The following SLC22A8 variants were observed in gnomAD, a reference collection of about 807,000 sequenced individuals.
The protein encoded by SLC22A8 is organic anion transporter 3.
SLC22A8 carries 40 observed loss-of-function variants against 48.4 expected under a neutral mutation model. The observed-to-expected ratio is 0.83, with a 90% confidence interval of 0.64 to 1.08. The LOEUF (loss-of-function observed/expected upper bound fraction) is 1.08, where lower values mean the gene tolerates loss of function less well. Ranked by LOEUF, SLC22A8 falls within the 50% of genes least tolerant of loss-of-function variation. The pLI, the probability that SLC22A8 is intolerant of heterozygous loss-of-function variation, is 0.00. For missense variants in SLC22A8, 606 were observed against 699.0 expected (o/e 0.87, Z 1.50); for synonymous variants, 268 against 286.3 (o/e 0.94, Z 0.65).
intron 2 of SLC22A8, among the ~76,000 whole-genome samples, chr11:63,013,883 G>C (rs1440728165): frequency 2.0e-5 from 3 of 152,162 alleles, no homozygotes; most frequent in Non-Finnish European, 4.4e-5. Flanking sequence ...TGACTGGCCT[G>C]TCAGTTCATT....
At chr11:63,004,660 T>A (rs538147418) in intron 2 of SLC22A8, among the ~76,000 whole-genome samples, 1 of 152,262 alleles carries the variant, frequency 6.6e-6, no homozygotes, top group African/African-American at 2.4e-5. Flanking sequence ...TGCTGAATGA[T>A]TTTCCATCTT....
chr11:63,011,519 G>T (rs2086618972), intron 2 of SLC22A8, among the ~76,000 whole-genome samples: 1 of 152,088 alleles, frequency 6.6e-6, no homozygotes, highest in Non-Finnish European at 1.5e-5. Flanking sequence ...TGTACATTTG[G>T]AAACTTACTT....
At position 62,994,776 on chromosome 11, in the gene SLC22A8, T is replaced by C; in HGVS notation, c.1002-20A>G. ...GCAAACCTGAGAGGCAGAGAAGGAT[T>C]GGTTAGCACCTGCAGCCAGGCAGAG... is the stretch of plus-strand genomic sequence containing the variant. On this transcript the variant is annotated intron_variant, in intron 7 of 10. Transcript: ENST00000336232. 1.2e-6 allele frequency: 2 copies of C among 1,604,682 alleles called. No individual in the cohort carries two copies. Among genetic ancestry groups the C allele is most frequent in the Non-Finnish European group, 1.7e-6 (2 of 1,171,506 alleles).
Position 62,993,075 on chromosome 11 carries a change from G to T in SLC22A8, c.*162C>A. ...GATGGCTGAACCTTTGAACTGGCCA[G>T]GGCTGGGCAGGAGGCTCTGGTGGTG... On this transcript the variant is annotated 3_prime_UTR_variant, in exon 11 of 11. Transcript: ENST00000336232. 1.6e-6 allele frequency: 1 copy of T among 614,526 alleles called. No individual in the cohort carries two copies. 38.1% of individuals were successfully genotyped at this position (614,526 alleles called of 1,614,324 possible).
At chr11:63,007,206 A>C (rs1236274361) in intron 2 of SLC22A8, among the ~76,000 whole-genome samples, 1 of 152,196 alleles carries the variant, frequency 6.6e-6, no homozygotes, top group Admixed American at 6.5e-5. Context: ...AAGAAAGGCA[A>C]CTTGTTGGTT....
chr11:63,000,970 C>T lies in SLC22A8; in HGVS notation c.334-147G>A, dbSNP rs371160076. ...CCAAGGACCGTTTCCTTTTTCAGCC[C>T]GGCTCGGAGCTCCTTGGGTTTGTCT... On this transcript the variant is annotated intron_variant, in intron 2 of 10. Coordinates refer to ENST00000336232, the MANE Select transcript of SLC22A8 (RefSeq NM_004254.4). The T allele has an allele frequency of 3.3e-5, 21 of 630,640 alleles. 1 individual carries two copies. The highest frequency in any genetic ancestry group is 3.4e-4 in the Middle Eastern group (1 of 2,960). The allele number at this position is 630,640 out of a possible 1,614,324, so 39.1% of individuals were successfully genotyped here.
chr11:62,998,762 T>C (rs73492018), intron 5 of SLC22A8, among the ~76,000 whole-genome samples, 159 bp downstream of exon 5: 1 of 152,106 alleles, frequency 6.6e-6, no homozygotes, highest in Admixed American at 6.5e-5. Context: ...TCCTGCAGCA[T>C]GCATTTGTTT....
chr11:62,997,928 G>A (rs371365338), intron 5 of SLC22A8, among the ~76,000 whole-genome samples: 1 of 152,188 alleles, frequency 6.6e-6, no homozygotes, highest in East Asian at 1.9e-4. Context: ...CTGAGCGCCT[G>A]TGGGATTTCC....
At position 62,994,740 on chromosome 11, in the gene SLC22A8, C is replaced by T. The variant is rs1198450952; in HGVS notation, c.1018G>A (p.Ala340Thr). Residue 340 changes from alanine (A) to threonine (T), a missense_variant, in exon 8 of 11, where the codon GCC (alanine) becomes ACC (threonine). Transcript: ENST00000336232. ...LSLAWFATGF[A>T]YYSLAMGVEE... ...ACACCCATAGCCAAACTATAGTAGGCAAAACCGGTAGCAAACCTGAGAGGC... is the reference window on the plus strand; with the variant it reads ...ACACCCATAGCCAAACTATAGTAGGTAAAACCGGTAGCAAACCTGAGAGGC... 6.2e-7 allele frequency: 1 copy of T among 1,614,186 alleles called. No homozygotes were observed. Among genetic ancestry groups the T allele is most frequent in the Non-Finnish European group, 8.5e-7 (1 of 1,180,006 alleles).
Position 63,014,803 on chromosome 11 carries a change from G to C in SLC22A8, c.156C>G (p.Pro52=), listed in dbSNP as rs1565303866. 6.2e-7 allele frequency: 1 copy of C among 1,613,100 alleles called. No individual in the cohort carries two copies. The highest frequency in any genetic ancestry group is 8.5e-7 in the Non-Finnish European group (1 of 1,179,182). Reference sequence around the variant, plus strand: ...CCCAAGGCCCTGTGGAGGCATTGTGGGGCGGGCGACAGTGGTGGACAGGGG... The same window carrying C: ...CCCAAGGCCCTGTGGAGGCATTGTGCGGCGGGCGACAGTGGTGGACAGGGG... The part of the protein sequence containing the change: ...AATPVHHCRP[P]HNASTGPWVL... The change falls in exon 2 of 11, where the codon CCC becomes CCG. Residue 52 remains proline (P), a synonymous_variant. Transcript: ENST00000336232.
chr11:62,993,376 C>T (rs773242664), intron 10 of SLC22A8, 40 bp from the exon 11 acceptor site: 1 of 1,612,706 alleles, frequency 6.2e-7, no homozygotes, highest in Non-Finnish European at 8.5e-7. Context: ...GGGCCCAGAC[C>T]TGCTTCCCCA....
intron 2 of SLC22A8, among the ~76,000 whole-genome samples, chr11:63,009,422 A>AG (rs1416282509): frequency 1.3e-5 from 2 of 152,028 alleles, no homozygotes; most frequent in Non-Finnish European, 2.9e-5. Flanking sequence ...CAAGGCAGGG[A>AG]GGCTCAAGGC....
intron 2 of SLC22A8, among the ~76,000 whole-genome samples, chr11:63,004,151 C>G (rs1466518397): frequency 6.6e-6 from 1 of 152,222 alleles, no homozygotes. Flanking sequence ...GAGACCAGAT[C>G]TGCTGGATCT....
At chr11:63,011,025 G>C in intron 2 of SLC22A8, among the ~76,000 whole-genome samples, 1 of 152,304 alleles carries the variant, frequency 6.6e-6, no homozygotes, top group Middle Eastern at 3.4e-3. Context: ...GTGATGACAG[G>C]GTGGGTGAGA....
intron 2 of SLC22A8, among the ~76,000 whole-genome samples, chr11:63,013,821 G>T (rs1221269427): frequency 6.6e-6 from 1 of 152,130 alleles, no homozygotes; most frequent in Non-Finnish European, 1.5e-5. Context: ...AGTTAGTGAC[G>T]CCCAATACAT....
At chr11:63,009,671 G>C (rs569053571) in intron 2 of SLC22A8, among the ~76,000 whole-genome samples, 1 of 152,306 alleles carries the variant, frequency 6.6e-6, no homozygotes, top group East Asian at 1.9e-4. Context: ...GCTGCACCAA[G>C]AGAAAGGAAT....
chr11:63,009,390 G>C (rs946305516), intron 2 of SLC22A8, among the ~76,000 whole-genome samples: 1 of 152,056 alleles, frequency 6.6e-6, no homozygotes, highest in Non-Finnish European at 1.5e-5. Flanking sequence ...GGTGGGGGAC[G>C]GGCTTCTTGC....
intron 1 of SLC22A8, 96 bp from the exon 2 acceptor site, chr11:63,015,079 G>A: frequency 1.3e-6 from 1 of 741,596 alleles, no homozygotes; most frequent in Non-Finnish European, 2.2e-6. Flanking sequence ...AGGTGGATAT[G>A]CGAGCACAGG....
Position 62,999,046 on chromosome 11 carries a change from T to C in SLC22A8, c.636A>G (p.Thr212=), listed in dbSNP as rs1183582514. ...CAAAGGTGTAGCAGTACCCGAGTGC[T>C]GTCGACATGATGGCCCGCATCCGGG... is the stretch of plus-strand genomic sequence containing the variant. The part of the protein sequence containing the change: ...VPTRMRAIMS[T]ALGYCYTFGQ... The change falls in exon 5 of 11, where the codon ACA becomes ACG. Residue 212 remains threonine, a synonymous_variant. Coordinates refer to ENST00000336232, the MANE Select transcript of SLC22A8 (RefSeq NM_004254.4). 1 of 1,614,070 alleles carries C rather than the reference T, an allele frequency of 6.2e-7. No homozygotes were observed.
Sources: gnomAD v4.1 joint callset for allele counts (sites outside exome capture counted in the v4.1 genomes callset) on GRCh38, gnomAD v4.1.1 for gene constraint, MANE v1.5 for transcripts, NCBI Gene and HGNC (gene_info 2026-07-23, HGNC 2026-07-21) for gene names.